PCBP3: variants seen among roughly 807,000 people sequenced by gnomAD.
PCBP3 encodes poly(rC)-binding protein 3.
PCBP3 carries 25 observed loss-of-function variants against 52.7 expected under a neutral mutation model. That is an observed-to-expected ratio of 0.47 (90% CI 0.35 to 0.66). The LOEUF (loss-of-function observed/expected upper bound fraction) is 0.66, where lower values mean the gene tolerates loss of function less well. Ranked by LOEUF, PCBP3 falls within the 30% of genes least tolerant of loss-of-function variation. The pLI, the probability that PCBP3 is intolerant of heterozygous loss-of-function variation, is 0.01. For synonymous variants in PCBP3, 162 were observed against 183.0 expected (o/e 0.89, Z 0.93); for missense variants, 391 against 490.3 (o/e 0.80, Z 1.91).
chr21:45,906,837 A>G (rs2096221678), intron 9 of PCBP3, among the ~76,000 whole-genome samples: 2 of 152,344 alleles, frequency 1.3e-5, no homozygotes, highest in Middle Eastern at 6.8e-3. Flanking sequence ...TTTCCAATCA[A>G]GGGCCCAAGG....
intron 2 of PCBP3, among the ~76,000 whole-genome samples, chr21:45,726,937 G>T (rs888013536): frequency 2.0e-5 from 3 of 152,092 alleles, no homozygotes; most frequent in Non-Finnish European, 4.4e-5. Context: ...CTTTTATGGG[G>T]TATGTGTTTT....
chr21:45,729,137 T>C (rs2085272015), intron 2 of PCBP3, among the ~76,000 whole-genome samples: 1 of 152,234 alleles, frequency 6.6e-6, no homozygotes, highest in Non-Finnish European at 1.5e-5. Flanking sequence ...ACTTGCCTGT[T>C]CTAGATATTT....
intron 1 of PCBP3, among the ~76,000 whole-genome samples, chr21:45,666,603 GA>G (rs1192157596): frequency 6.6e-6 from 1 of 151,972 alleles, no homozygotes; most frequent in Non-Finnish European, 1.5e-5. Context: ...TGTTTTTGCA[GA>G]ATAATTTTTC....
intron 4 of PCBP3, among the ~76,000 whole-genome samples, chr21:45,816,433 C>A (rs1350745268): frequency 1.8e-5 from 2 of 111,536 alleles, no homozygotes; most frequent in Non-Finnish European, 3.7e-5. Flanking sequence ...AGATCCCCTT[C>A]CCCTTCCCCC....
intron 2 of PCBP3, among the ~76,000 whole-genome samples, chr21:45,687,455 G>A (rs1420626596): frequency 6.6e-6 from 1 of 152,072 alleles, no homozygotes; most frequent in Non-Finnish European, 1.5e-5. Flanking sequence ...GAAATGGAAT[G>A]CCAAAAGAGA....
intron 2 of PCBP3, among the ~76,000 whole-genome samples, chr21:45,680,699 T>C (rs2081783606): frequency 1.3e-5 from 2 of 152,200 alleles, no homozygotes; most frequent in Admixed American, 1.3e-4. Flanking sequence ...ATTTCCTTAT[T>C]ACACAGGTTA....
chr21:45,819,333 T>C (rs948044978), intron 4 of PCBP3, among the ~76,000 whole-genome samples: 1 of 152,262 alleles, frequency 6.6e-6, no homozygotes, highest in African/African-American at 2.4e-5. Flanking sequence ...CCCTGAAGAC[T>C]GTCCTGTGAC....
At chr21:45,780,506 G>A (rs570060289) in intron 4 of PCBP3, among the ~76,000 whole-genome samples, 8 of 152,270 alleles carry the variant, frequency 5.3e-5, no homozygotes, top group South Asian at 2.1e-4. Context: ...TCCCTTTCAC[G>A]TGAAACTTGT....
Position 45,929,942 on chromosome 21 carries a change from C to T in PCBP3, c.743C>T (p.Ala248Val). ...PDQLTKLHQL[A>V]MQQTPFPPLG... ...CAGTTGACCAAGCTCCACCAGTTGG[C>T]CATGCAGCAAACCCCCTTTCCTCCC... is the stretch of plus-strand genomic sequence containing the variant. The change falls in exon 14 of 18, where the codon GCC becomes GTC. Residue 248 changes from alanine to valine, a missense_variant. Transcript: ENST00000681687. 6.2e-7 allele frequency: 1 copy of T among 1,613,852 alleles called. No homozygotes were observed. Among genetic ancestry groups the T allele is most frequent in the East Asian group, 2.2e-5 (1 of 44,884 alleles).
intron 4 of PCBP3, among the ~76,000 whole-genome samples, chr21:45,820,308 C>T (rs549934013): frequency 4.6e-5 from 7 of 152,268 alleles, no homozygotes; most frequent in Admixed American, 3.3e-4. Context: ...CCTGTGAGGT[C>T]GTTGCGCCTA....
At chr21:45,644,853 T>C (rs1478640158) in intron 1 of PCBP3, among the ~76,000 whole-genome samples, 1 of 152,196 alleles carries the variant, frequency 6.6e-6, no homozygotes, top group African/African-American at 2.4e-5. Flanking sequence ...CCCTCACATA[T>C]CCCTCTGAAA....
chr21:45,739,866 GCCTCTGTGTCCT>G (rs1017355707), intron 3 of PCBP3, among the ~76,000 whole-genome samples: 5 of 152,146 alleles, frequency 3.3e-5, no homozygotes, highest in Admixed American at 2.0e-4. Flanking sequence ...TCTTCGCTTT[GCCTCTGTGTCCT>G]CCCAGTGTCC....
chr21:45,895,213 T>C (rs1019598618), intron 5 of PCBP3, among the ~76,000 whole-genome samples: 1 of 152,234 alleles, frequency 6.6e-6, no homozygotes, highest in Non-Finnish European at 1.5e-5. Flanking sequence ...TAGCATATTC[T>C]TTTAACAGAA....
At chr21:45,727,917 TC>T (rs895717985) in intron 2 of PCBP3, among the ~76,000 whole-genome samples, 1 of 152,228 alleles carries the variant, frequency 6.6e-6, no homozygotes, top group African/African-American at 2.4e-5. Context: ...TGTATTCTAT[TC>T]CATGGGTCAA....
intron 15 of PCBP3, 73 bp from the exon 16 acceptor site, chr21:45,935,180 T>A: frequency 9.7e-7 from 1 of 1,033,396 alleles, no homozygotes; most frequent in Admixed American, 1.8e-5. Flanking sequence ...CCCAGGAGAG[T>A]GAGGGACAGG....
intron 4 of PCBP3, among the ~76,000 whole-genome samples, chr21:45,849,014 A>G (rs1236267216): frequency 6.6e-6 from 1 of 152,214 alleles, no homozygotes; most frequent in Admixed American, 6.5e-5. Flanking sequence ...TTTGTCCAAT[A>G]GCATCCTTTT....
chr21:45,845,915 G>A (rs2148101518), intron 4 of PCBP3, among the ~76,000 whole-genome samples: 1 of 152,356 alleles, frequency 6.6e-6, no homozygotes, highest in South Asian at 2.1e-4. Context: ...GGGTCTCACA[G>A]CCAGAGCAGG....
intron 1 of PCBP3, among the ~76,000 whole-genome samples, chr21:45,665,561 A>G (rs1365192727): frequency 6.6e-6 from 1 of 152,244 alleles, no homozygotes; most frequent in African/African-American, 2.4e-5. Flanking sequence ...CCAAGGTTGA[A>G]CCAGGAAGAA....
intron 13 of PCBP3, among the ~76,000 whole-genome samples, chr21:45,929,406 A>G (rs932751028): frequency 6.6e-6 from 1 of 152,182 alleles, no homozygotes; most frequent in Non-Finnish European, 1.5e-5. Flanking sequence ...GGGTAAAGCA[A>G]GGCCCTGCAG....
Sources: gnomAD v4.1 joint callset for allele counts (sites outside exome capture counted in the v4.1 genomes callset) on GRCh38, gnomAD v4.1.1 for gene constraint, MANE v1.5 for transcripts, NCBI Gene and HGNC (gene_info 2026-07-23, HGNC 2026-07-21) for gene names.